ZNF451: variants seen among roughly 807,000 people sequenced by gnomAD.
ZNF451 encodes E3 SUMO-protein ligase ZNF451.
Under a neutral mutation model 107.1 loss-of-function variants are expected in ZNF451, and 80 were observed. That is an observed-to-expected ratio of 0.75 (90% CI 0.62 to 0.90). ZNF451 has a LOEUF of 0.90. Among genes scored for constraint, ZNF451 ranks in the 40% least tolerant of loss-of-function variants. The pLI is 0.00. For synonymous variants in ZNF451, 362 were observed against 406.5 expected, an observed-to-expected ratio of 0.89 and a Z score of 1.32; for missense variants, 1,107 against 1,236.2, an observed-to-expected ratio of 0.90 and a Z score of 1.57.
At chr6:57,159,149 TAAGA>T (rs999526293) in intron 13 of ZNF451, 17 of 985,314 alleles carry the variant, frequency 1.7e-5, no homozygotes, top group Non-Finnish European at 2.0e-5. Flanking sequence ...GTACTGAAAA[TAAGA>T]AAGAATATTT....
At chr6:57,094,000 T>A (rs1829170720) in intron 2 of ZNF451, among the ~76,000 whole-genome samples, 1 of 152,226 alleles carries the variant, frequency 6.6e-6, no homozygotes, top group South Asian at 2.1e-4. Flanking sequence ...GTTTCAGATT[T>A]ATGCTCAAAT....
intron 6 of ZNF451, among the ~76,000 whole-genome samples, chr6:57,134,458 C>T (rs551469205): frequency 4.0e-4 from 61 of 152,200 alleles, no homozygotes; most frequent in African/African-American, 8.4e-4. Flanking sequence ...AATTTTCAAA[C>T]GAGAAGTTTA....
rs1224954879 is a variant in ZNF451, at chr6:57,133,077, A to G, written c.460A>G (p.Ser154Gly). 3 of 1,614,036 alleles carry G rather than the reference A, an allele frequency of 1.9e-6. No homozygotes were observed. In the Admixed American group the frequency reaches 5.0e-5, roughly 27 times the overall value. Residue 154 changes from serine to glycine, a missense_variant, in exon 6 of 15, where the codon AGT (serine) becomes GGT (glycine). Transcript: ENST00000370706. ...KTGTINCGTKSSFRRGGHTWV... is the reference protein window; with the variant it reads ...KTGTINCGTKGSFRRGGHTWV... ...AGGCACAATTAATTGTGGAACAAAA[A>G]GTTCATTCCGAAGAGGAGGCCACAC...
chr6:57,124,378 TTTAG>T, intron 3 of ZNF451: 1 of 709,110 alleles, frequency 1.4e-6, no homozygotes, highest in Non-Finnish European at 2.6e-6. Flanking sequence ...AGGTTTCTGC[TTTAG>T]TAAGTCGATG....
chr6:57,101,969 G>A, intron 3 of ZNF451: 1 of 1,550,532 alleles, frequency 6.4e-7, no homozygotes, highest in Non-Finnish European at 8.7e-7. Context: ...TACTTTTATA[G>A]TCATGATCAG....
intron 3 of ZNF451, chr6:57,109,577 C>T (rs1830021676): frequency 3.0e-6 from 3 of 983,922 alleles, no homozygotes; most frequent in Admixed American, 6.1e-5. Flanking sequence ...GCTATAGATA[C>T]ATACATTTTA....
At position 57,163,436 on chromosome 6, in the gene ZNF451, CTTTTTTTTTTTTTTTTT is replaced by C. The variant is rs398001706; in HGVS notation, c.3139+2300_3139+2316del. 2.6e-4 allele frequency among the ~76,000 whole-genome samples: 8 copies of C among 30,332 alleles called. 1 individual carries two copies. The highest frequency in any genetic ancestry group is 5.5e-4 in the Admixed American group (1 of 1,814). 19.9% of individuals were successfully genotyped at this position (30,332 alleles called of 152,430 possible). The stretch of plus-strand genomic sequence containing the variant: ...AATGGTTGCTTGTTAAATGAATAAA[CTTTTTTTTTTTTTTTTT>C]TTTTTTTTTTTTTTTGAGACGGAGT... On this transcript the variant is annotated intron_variant, in intron 14 of 14. Transcript: ENST00000370706.
chr6:57,133,878 G>A (rs978115932), intron 6 of ZNF451, among the ~76,000 whole-genome samples: 5 of 152,114 alleles, frequency 3.3e-5, no homozygotes, highest in Non-Finnish European at 5.9e-5. Context: ...GCTCTGCCAT[G>A]TTGCCCAAGC....
At chr6:57,157,381 A>G (rs1406853330) in intron 13 of ZNF451, among the ~76,000 whole-genome samples, 1 of 152,096 alleles carries the variant, frequency 6.6e-6, no homozygotes, top group Non-Finnish European at 1.5e-5. Flanking sequence ...AAAAATACAG[A>G]TATTTGGAGT....
Position 57,124,715 on chromosome 6 carries a change from A to G in ZNF451, c.187-19A>G. On this transcript the variant is annotated intron_variant, in intron 3 of 14. Coordinates refer to ENST00000370706, the MANE Select transcript of ZNF451 (RefSeq NM_001031623.3). ...TGCTAATTTTGTTAAAAGGAATGAAAATTTTTTTCATGTTATAGGAGAATA... is the reference window on the plus strand; with the variant it reads ...TGCTAATTTTGTTAAAAGGAATGAAGATTTTTTTCATGTTATAGGAGAATA... 6.5e-7 allele frequency: 1 copy of G among 1,531,608 alleles called. No individual in the cohort carries two copies. Among genetic ancestry groups the G allele is most frequent in the Non-Finnish European group, 9.0e-7 (1 of 1,112,244 alleles). 94.9% of individuals were successfully genotyped at this position (1,531,608 alleles called of 1,614,324 possible).
intron 7 of ZNF451, among the ~76,000 whole-genome samples, chr6:57,135,436 T>A (rs1438389011): frequency 6.6e-6 from 1 of 152,138 alleles, no homozygotes; most frequent in African/African-American, 2.4e-5. Context: ...AAGTAATGTA[T>A]GTTCATTATG....
chr6:57,163,090 T>G (rs904807622), intron 14 of ZNF451, among the ~76,000 whole-genome samples: 1 of 152,164 alleles, frequency 6.6e-6, no homozygotes, highest in African/African-American at 2.4e-5. Context: ...ATGGGCTCCT[T>G]TGCACTTTTC....
At chr6:57,166,742 T>C (rs1046385054) in intron 14 of ZNF451, among the ~76,000 whole-genome samples, 2 of 152,244 alleles carry the variant, frequency 1.3e-5, no homozygotes, top group African/African-American at 4.8e-5. Flanking sequence ...TGTACTTTTA[T>C]ACAACTGGCA....
intron 5 of ZNF451, among the ~76,000 whole-genome samples, chr6:57,129,241 G>T (rs1452590235): frequency 1.3e-5 from 2 of 152,138 alleles, no homozygotes; most frequent in African/African-American, 2.4e-5. Flanking sequence ...TTATTCATCA[G>T]TGCAGCCTAT....
chr6:57,163,332 G>C (rs913317700), intron 14 of ZNF451, among the ~76,000 whole-genome samples: 1 of 150,226 alleles, frequency 6.7e-6, no homozygotes, highest in African/African-American at 2.5e-5. Context: ...CATCTCTGCT[G>C]ACTGTAAGCT....
At chr6:57,106,584 G>A (rs1829871510) in intron 3 of ZNF451, 7 of 981,718 alleles carry the variant, frequency 7.1e-6, no homozygotes, top group Non-Finnish European at 8.5e-6. Flanking sequence ...GGGATTATAG[G>A]CGTGAGCCAC....
chr6:57,143,059 A>T (rs748006587), intron 9 of ZNF451, among the ~76,000 whole-genome samples: 1 of 152,196 alleles, frequency 6.6e-6, no homozygotes, highest in East Asian at 1.9e-4. Context: ...GGTTCTTTAT[A>T]TATTCTAGAT....
chr6:57,165,112 AGTAATTTTATTAAGGCTCTCTT>A (rs1763837675), intron 14 of ZNF451: 1 of 152,192 alleles, frequency 6.6e-6, no homozygotes, highest in South Asian at 2.1e-4. Flanking sequence ...GAAATCAGCT[AGTAATTTTATTAAGGCTCTCTT>A]GTATGTGATG....
In ZNF451 at chr6:57,147,802, T is replaced by C. The variant is rs768029397; in HGVS notation, c.1717T>C (p.Ser573Pro). Reference protein sequence around the residue: ...MDEVEGETLPSSSTTLDNLTA... With the variant: ...MDEVEGETLPPSSTTLDNLTA... The stretch of plus-strand genomic sequence containing the variant: ...TGAGGTAGAAGGTGAAACTTTGCCA[T>C]CATCCTCTACAACATTGGATAATTT... Residue 573 changes from serine (S) to proline (P), a missense_variant, in exon 10 of 15, where the codon TCA becomes CCA. Coordinates refer to ENST00000370706, the MANE Select transcript of ZNF451 (RefSeq NM_001031623.3). 6.2e-7 allele frequency: 1 copy of C among 1,614,058 alleles called. No individual in the cohort carries two copies. The highest frequency in any genetic ancestry group is 1.1e-5 in the South Asian group (1 of 91,088).
Sources: gnomAD v4.1 joint callset for allele counts (sites outside exome capture counted in the v4.1 genomes callset) on GRCh38, gnomAD v4.1.1 for gene constraint, MANE v1.5 for transcripts, NCBI Gene and HGNC (gene_info 2026-07-23, HGNC 2026-07-21) for gene names.